The following COLEC12 variants were observed in gnomAD, a reference collection of about 807,000 sequenced individuals.
COLEC12 encodes collectin subfamily member 12, also known as collectin-12.
A neutral mutation model predicts 71.1 loss-of-function variants in COLEC12; 33 were observed. The ratio of observed to expected loss-of-function variants is 0.46; its 90% CI spans 0.35 to 0.62. COLEC12 has a LOEUF of 0.62. COLEC12 is among the 20% of genes least tolerant of loss of function. COLEC12 has a pLI of 0.00. For synonymous variants in COLEC12, 350 were observed against 353.0 expected (o/e 0.99, Z 0.10); for missense variants, 765 against 916.1 (o/e 0.84, Z 2.13).
At chr18:419,801 G>A (rs1397242973) in intron 2 of COLEC12, among the ~76,000 whole-genome samples, 6 of 152,184 alleles carry the variant, frequency 3.9e-5, no homozygotes, top group Non-Finnish European at 1.5e-5. Context: ...CTCTCCCCTT[G>A]AACCTGCAGA....
In COLEC12 at chr18:463,318, C is replaced by A. The variant is rs143038045; in HGVS notation, c.58+17389G>T. On this transcript the variant is annotated intron_variant, in intron 2 of 9. Coordinates refer to ENST00000400256, the MANE Select transcript of COLEC12 (RefSeq NM_130386.3). ...AGTCATAAATGTCTCCATTATTATA[C>A]TGGCACACGGGTGAAGCCATAGTTG... Among the ~76,000 whole-genome samples, 31 of 152,306 alleles carry A rather than the reference C, an allele frequency of 2.0e-4. No individual in the cohort carries two copies. In the East Asian group the frequency reaches 4.8e-3, roughly 24 times the overall value.
chr18:426,594 C>T (rs28604987), intron 2 of COLEC12, among the ~76,000 whole-genome samples: 28,414 of 152,114 alleles, frequency 0.19, 2,928 homozygotes, highest in Middle Eastern at 0.25. Flanking sequence ...TGTGAATTGG[C>T]TGTAACATCT....
At chr18:357,587 C>T in intron 2 of COLEC12, 65 bp from the exon 3 acceptor site, 1 of 1,333,058 alleles carries the variant, frequency 7.5e-7, no homozygotes, top group South Asian at 1.5e-5. Flanking sequence ...TATCTTTTTG[C>T]ATTTAGGTTC....
At chr18:372,363 T>C (rs917998147) in intron 2 of COLEC12, among the ~76,000 whole-genome samples, 23 of 152,120 alleles carry the variant, frequency 1.5e-4, no homozygotes, top group African/African-American at 5.3e-4. Flanking sequence ...GGTGCAGAAG[T>C]AGGGGCAAAA....
At chr18:343,776 CA>C (rs1914310862) in intron 5 of COLEC12, among the ~76,000 whole-genome samples, 1 of 152,172 alleles carries the variant, frequency 6.6e-6, no homozygotes, top group Admixed American at 6.5e-5. Context: ...GCAAGTTACT[CA>C]AACCTTCTAA....
At position 318,099 on chromosome 18, in the gene COLEC12, CCCGAG is replaced by C. The variant is rs1913592171; in HGVS notation, c.*1941_*1945del. On this transcript the variant is annotated 3_prime_UTR_variant, in exon 10 of 10. Coordinates refer to ENST00000400256, the MANE Select transcript of COLEC12 (RefSeq NM_130386.3). ...TCACGCCATTCTCCTGCCTCAGCCTCCCGAGTAGCTGGGACTACAGGCGCCCGCCA... is the reference window on the plus strand; with the variant it reads ...TCACGCCATTCTCCTGCCTCAGCCTCTAGCTGGGACTACAGGCGCCCGCCA... 4 of 20,184 alleles carry C rather than the reference CCCGAG, an allele frequency of 2.0e-4. No individual in the cohort carries two copies. The Non-Finnish European group carries it at 2.4e-3, about 12-fold the overall frequency. The allele number at this position is 20,184 out of a possible 1,614,324, so 1.3% of individuals were successfully genotyped here.
chr18:495,843 C>A (rs555422247), intron 1 of COLEC12, among the ~76,000 whole-genome samples: 55 of 152,102 alleles, frequency 3.6e-4, no homozygotes, highest in Admixed American at 7.9e-4. Context: ...GAATACTGAT[C>A]CCCCCCGCCA....
intron 8 of COLEC12, among the ~76,000 whole-genome samples, chr18:322,154 A>G (rs1425383765): frequency 6.7e-6 from 1 of 148,766 alleles, no homozygotes; most frequent in Non-Finnish European, 1.5e-5. Context: ...GCATGAGTGT[A>G]TATATGTGTG....
At chr18:412,456 T>A (rs982634161) in intron 2 of COLEC12, among the ~76,000 whole-genome samples, 3 of 146,628 alleles carry the variant, frequency 2.0e-5, no homozygotes, top group East Asian at 4.0e-4. Flanking sequence ...ATCTGAAAAA[T>A]TAGCTAAAGA....
intron 2 of COLEC12, among the ~76,000 whole-genome samples, chr18:446,467 C>T (rs548082507): frequency 1.3e-5 from 2 of 149,944 alleles, no homozygotes; most frequent in African/African-American, 2.5e-5. Flanking sequence ...TTTGGGAGGC[C>T]AAAGCAGGAG....
intron 2 of COLEC12, among the ~76,000 whole-genome samples, chr18:403,969 C>T (rs1315990352): frequency 1.3e-5 from 2 of 152,166 alleles, no homozygotes; most frequent in South Asian, 2.1e-4. Context: ...CTTCCTTTTT[C>T]CCCAAATGTA....
chr18:337,109 G>A (rs1486672098), intron 5 of COLEC12, among the ~76,000 whole-genome samples: 3 of 151,796 alleles, frequency 2.0e-5, no homozygotes, highest in Non-Finnish European at 2.9e-5. Context: ...GGCTTCAAGC[G>A]ATCCTCCCCC....
At chr18:439,291 C>T (rs1916466639) in intron 2 of COLEC12, among the ~76,000 whole-genome samples, 1 of 152,172 alleles carries the variant, frequency 6.6e-6, no homozygotes, top group South Asian at 2.1e-4. Flanking sequence ...GTCCACATGC[C>T]TGTACCAACC....
chr18:499,692 A>G (rs1440461701), intron 1 of COLEC12, among the ~76,000 whole-genome samples: 1 of 152,254 alleles, frequency 6.6e-6, no homozygotes, highest in East Asian at 1.9e-4. Flanking sequence ...TATCTCATAC[A>G]TAAATCAGGA....
intron 5 of COLEC12, among the ~76,000 whole-genome samples, chr18:343,784 C>G (rs1914311179): frequency 6.6e-6 from 1 of 152,198 alleles, no homozygotes; most frequent in Non-Finnish European, 1.5e-5. Flanking sequence ...CTCAAACCTT[C>G]TAAGCCTTAA....
chr18:332,947 T>G, intron 7 of COLEC12, 60 bp downstream of exon 7: 1 of 1,433,732 alleles, frequency 7.0e-7, no homozygotes, highest in South Asian at 1.4e-5. Flanking sequence ...GCCTGCAATT[T>G]CCAGATGTAA....
intron 2 of COLEC12, among the ~76,000 whole-genome samples, chr18:419,168 AT>A (rs1216753400): frequency 7.8e-6 from 1 of 128,298 alleles, no homozygotes; most frequent in African/African-American, 3.4e-5. Context: ...ATTCTATTCT[AT>A]TCTATTCTAT....
intron 2 of COLEC12, among the ~76,000 whole-genome samples, chr18:382,011 A>G (rs563574089): frequency 4.1e-4 from 62 of 152,164 alleles, no homozygotes; most frequent in African/African-American, 1.5e-3. Flanking sequence ...CTTAAAAAAA[A>G]GACTTACTGC....
chr18:382,426 T>C (rs1382720963), intron 2 of COLEC12, among the ~76,000 whole-genome samples: 3 of 152,218 alleles, frequency 2.0e-5, no homozygotes, highest in Non-Finnish European at 2.9e-5. Context: ...GTGTTCTGCA[T>C]CTCATCACAA....
Sources: gnomAD v4.1 joint callset for allele counts (sites outside exome capture counted in the v4.1 genomes callset) on GRCh38, gnomAD v4.1.1 for gene constraint, MANE v1.5 for transcripts, NCBI Gene and HGNC (gene_info 2026-07-23, HGNC 2026-07-21) for gene names.